The following DUS2 variants were observed in gnomAD, a reference collection of about 807,000 sequenced individuals.
The protein encoded by DUS2 is dihydrouridine synthase 2, also known as tRNA-dihydrouridine(20) synthase [NAD(P)+]-like.
Under a neutral mutation model 71.3 loss-of-function variants are expected in DUS2, and 52 were observed. The ratio of observed to expected loss-of-function variants is 0.73; its 90% CI spans 0.58 to 0.92. The LOEUF (loss-of-function observed/expected upper bound fraction) is 0.92. DUS2 is among the 40% of genes least tolerant of loss of function. The pLI is 0.00. For synonymous variants in DUS2, 204 were observed against 227.8 expected, an observed-to-expected ratio of 0.90 and a Z score of 0.94; for missense variants, 558 against 622.6, an observed-to-expected ratio of 0.90 and a Z score of 1.10.
chr16:68,028,225 G>A (rs982653587), intron 2 of DUS2, among the ~76,000 whole-genome samples: 88 of 152,260 alleles, frequency 5.8e-4, no homozygotes, highest in African/African-American at 2.0e-3. Flanking sequence ...GATGGCAGTT[G>A]TAGAGCTGAG....
rs780697068 is a variant in DUS2, at chr16:68,078,829, G to A, written c.1325G>A (p.Gly442Asp). The A allele has an allele frequency of 3.1e-6, 5 of 1,613,654 alleles. No homozygotes were observed. The South Asian group carries it at 5.5e-5, about 18-fold the overall frequency. Residue 442 changes from glycine (G) to aspartate (D), a missense_variant, in exon 17 of 17, where the codon GGT (glycine) becomes GAT (aspartate). By Grantham distance (94) the Gly-to-Asp change is moderately conservative. Coordinates refer to ENST00000565263, the MANE Select transcript of DUS2 (RefSeq NM_017803.5). ...RSQGLPEGRL[G>D]EESPSLHKRK... is the part of the protein sequence containing the mutation. The stretch of plus-strand genomic sequence containing the variant: ...CAGGGCCTCCCTGAGGGTCGGCTGG[G>A]TGAGGAGAGCCCTTCCTTGCACAAG...
chr16:68,068,100 TCA>T (rs1298273587), intron 10 of DUS2, among the ~76,000 whole-genome samples: 3 of 152,252 alleles, frequency 2.0e-5, no homozygotes, highest in African/African-American at 7.2e-5. Context: ...GGCTTACCAT[TCA>T]CACTTGTTCC....
intron 10 of DUS2, among the ~76,000 whole-genome samples, chr16:68,067,749 T>C (rs1461681132): frequency 2.0e-5 from 3 of 152,120 alleles, no homozygotes; most frequent in African/African-American, 7.2e-5. Flanking sequence ...AGCCTCAAAC[T>C]CCTGGGCTCA....
intron 6 of DUS2, 41 bp downstream of exon 6, chr16:68,054,658 C>T: frequency 6.2e-7 from 1 of 1,612,646 alleles, no homozygotes; most frequent in Non-Finnish European, 8.5e-7. Flanking sequence ...TTTGCCTCTC[C>T]TTTGAGCTGT....
At chr16:68,045,593 A>G (rs2033688437) in intron 3 of DUS2, among the ~76,000 whole-genome samples, 1 of 151,582 alleles carries the variant, frequency 6.6e-6, no homozygotes, top group Admixed American at 6.6e-5. Context: ...CCTGGGCAAC[A>G]AGAGCAAAAC....
chr16:68,032,161 T>TC (rs2033449906), intron 2 of DUS2, among the ~76,000 whole-genome samples: 1 of 152,198 alleles, frequency 6.6e-6, no homozygotes, highest in African/African-American at 2.4e-5. Flanking sequence ...GCCTAGTTTT[T>TC]CTCAGAGGAG....
intron 7 of DUS2, 130 bp from the exon 8 acceptor site, chr16:68,060,936 C>A: frequency 1.4e-6 from 1 of 731,910 alleles, no homozygotes; most frequent in Non-Finnish European, 2.4e-6. Flanking sequence ...AAAAGAAGTG[C>A]CGGTTGCCAG....
At position 68,028,067 on chromosome 16, in the gene DUS2, C is replaced by T. The variant is rs534116638; in HGVS notation, c.-19+2573C>T. Among the ~76,000 whole-genome samples, 19 of 151,984 alleles carry T rather than the reference C, an allele frequency of 1.3e-4. 1 individual carries two copies. The highest frequency in any genetic ancestry group is 2.5e-4 in the Non-Finnish European group (17 of 67,990). Reference sequence around the variant, plus strand: ...TTAATTTTACAGGCAGTAGGGAAGGCGTCCAGAAATGGAACTATCATGTTT... The same window carrying T: ...TTAATTTTACAGGCAGTAGGGAAGGTGTCCAGAAATGGAACTATCATGTTT... On this transcript the variant is annotated intron_variant, in intron 2 of 16. Transcript: ENST00000565263.
chr16:68,075,331 T>C (rs2151426890), intron 13 of DUS2, 24 bp from the exon 14 acceptor site: 2 of 1,579,442 alleles, frequency 1.3e-6, no homozygotes, highest in Non-Finnish European at 1.7e-6. Context: ...AAGTGTTTGC[T>C]CTGATCTGCT....
rs1484964896 is a variant in DUS2, at chr16:68,029,222, A to G, written c.-19+3728A>G. 3.9e-5 allele frequency among the ~76,000 whole-genome samples: 6 copies of G among 151,900 alleles called. No individual in the cohort carries two copies. In the South Asian group the frequency reaches 6.3e-4, roughly 16 times the overall value. ...CCCATCTCTAAAAAAAAAAAGCTAT[A>G]TCACCTCTTTCTCCTCAAATCTAAC... On this transcript the variant is annotated intron_variant, in intron 2 of 16. Transcript: ENST00000565263.
intron 4 of DUS2, among the ~76,000 whole-genome samples, chr16:68,052,983 G>A (rs1225223346): frequency 6.8e-6 from 1 of 147,438 alleles, no homozygotes; most frequent in Non-Finnish European, 1.5e-5. Flanking sequence ...TTTTTTTCGA[G>A]ACGGAGTCTT....
At chr16:68,038,979 A>G (rs2033578799) in intron 3 of DUS2, among the ~76,000 whole-genome samples, 2 of 151,704 alleles carry the variant, frequency 1.3e-5, no homozygotes, top group Admixed American at 1.3e-4. Flanking sequence ...CATGAGGATT[A>G]CTTGAGTCCA....
chr16:68,063,004 C>A (rs757674897), intron 8 of DUS2, among the ~76,000 whole-genome samples: 4 of 152,200 alleles, frequency 2.6e-5, no homozygotes, highest in Non-Finnish European at 4.4e-5. Context: ...ATGTGGTTCA[C>A]AACATGAGCA....
rs73596400 is a variant in DUS2, at chr16:68,023,539, T to C, written c.-99+188T>C. The C allele has an allele frequency of 2.6e-3, 847 of 325,970 alleles. 7 individuals are homozygous for C. The highest frequency in any genetic ancestry group is 0.017 in the African/African-American group (771 of 45,836). The allele number at this position is 325,970 out of a possible 1,614,324, so 20.2% of individuals were successfully genotyped here. A position where few individuals can be genotyped will look rare whatever the true frequency, so the allele number is the denominator to read the frequency against. On this transcript the variant is annotated intron_variant, in intron 1 of 16. Coordinates refer to ENST00000565263, the MANE Select transcript of DUS2 (RefSeq NM_017803.5). ...TCCTGGGATTCTCTTTAGTTGTTCC[T>C]CATTGCCCTGAGATAGCTTGTCCCG...
At chr16:68,052,645 C>CT (rs199978338) in intron 4 of DUS2, among the ~76,000 whole-genome samples, 2,139 of 141,958 alleles carry the variant, frequency 0.015, 46 homozygotes, top group African/African-American at 0.047. Context: ...CATGTATGGA[C>CT]TTTTTTTTTT....
intron 2 of DUS2, among the ~76,000 whole-genome samples, chr16:68,035,889 TATATA>T (rs2033513846): frequency 3.8e-3 from 8 of 2,118 alleles, no homozygotes; most frequent in African/African-American, 4.0e-3. Context: ...TAATTTTATA[TATATA>T]TATATATATA....
intron 2 of DUS2, among the ~76,000 whole-genome samples, chr16:68,032,560 A>G (rs1215893623): frequency 6.6e-6 from 1 of 152,224 alleles, no homozygotes. Flanking sequence ...GGGGCATTCA[A>G]GGACAAGGGG....
chr16:68,034,765 A>C (rs2033492403), intron 2 of DUS2, among the ~76,000 whole-genome samples: 1 of 151,664 alleles, frequency 6.6e-6, no homozygotes, highest in South Asian at 2.1e-4. Context: ...TGGGAGGCCG[A>C]GGTGGGCGGA....
chr16:68,068,752 CTTT>C (rs1160464857), intron 10 of DUS2, among the ~76,000 whole-genome samples: 3 of 112,160 alleles, frequency 2.7e-5, no homozygotes, highest in African/African-American at 1.0e-4. Context: ...CCATGCCTGG[CTTT>C]TTTTTTTTTT....
Sources: allele counts gnomAD v4.1 joint callset (sites outside exome capture counted in the v4.1 genomes callset), GRCh38; gene constraint gnomAD v4.1.1; transcripts MANE v1.5; gene names NCBI Gene and HGNC (gene_info 2026-07-23, HGNC 2026-07-21).